The following TRIP12 variants were observed in gnomAD, a reference collection of about 807,000 sequenced individuals.
TRIP12 encodes the protein E3 ubiquitin-protein ligase TRIP12.
A neutral mutation model predicts 244.2 loss-of-function variants in TRIP12; 25 were observed. That is an observed-to-expected ratio of 0.10 (90% CI 0.07 to 0.14). The LOEUF is 0.14. Among genes scored for constraint, TRIP12 ranks in the 10% least tolerant of loss-of-function variants. The pLI is 1.00. For synonymous variants in TRIP12, 905 were observed against 873.1 expected (o/e 1.04, Z -0.64); for missense variants, 1,677 against 2,486.4 (o/e 0.67, Z 6.92).
At chr2:229,810,235 T>C (rs1021643654) in intron 15 of TRIP12, among the ~76,000 whole-genome samples, 5 of 152,180 alleles carry the variant, frequency 3.3e-5, no homozygotes, top group Non-Finnish European at 7.4e-5. Context: ...AACGTATAGA[T>C]GTTGTCTGAT....
At chr2:229,774,465 G>A (rs2035581394) in intron 37 of TRIP12, among the ~76,000 whole-genome samples, 2 of 152,182 alleles carry the variant, frequency 1.3e-5, no homozygotes, top group African/African-American at 4.8e-5. Context: ...TAAGAAAAGA[G>A]AGCTGAAGTG....
intron 5 of TRIP12, among the ~76,000 whole-genome samples, chr2:229,840,008 C>A (rs2055983488): frequency 6.6e-6 from 1 of 152,074 alleles, no homozygotes; most frequent in South Asian, 2.1e-4. Context: ...AGTACATTTC[C>A]CCCTCCATTC....
intron 34 of TRIP12, 44 bp from the exon 35 acceptor site, chr2:229,779,034 G>T (rs1408129148): frequency 6.4e-7 from 1 of 1,550,524 alleles, no homozygotes; most frequent in South Asian, 1.1e-5. Flanking sequence ...TTTAAGAATT[G>T]TGTTTTTTTA....
chr2:229,771,448 G>T, intron 39 of TRIP12, 71 bp downstream of exon 39: 1 of 1,331,846 alleles, frequency 7.5e-7, no homozygotes, highest in Non-Finnish European at 1.1e-6. Context: ...TACGGTCTTT[G>T]ACTAGGCAGC....
At chr2:229,849,711 CTTTCTAAAAAAATT>C (rs1240855959) in intron 4 of TRIP12, among the ~76,000 whole-genome samples, 17 of 151,812 alleles carry the variant, frequency 1.1e-4, no homozygotes, top group African/African-American at 4.1e-4. Flanking sequence ...AAAAAAAAAT[CTTTCTAAAAAAATT>C]AGCTGGGTAT....
intron 21 of TRIP12, among the ~76,000 whole-genome samples, 200 bp from the exon 22 acceptor site, chr2:229,799,583 T>A (rs1404328449): frequency 6.6e-6 from 1 of 152,134 alleles, no homozygotes; most frequent in East Asian, 1.9e-4. Flanking sequence ...AAGACCATCC[T>A]GGCTAACATG....
chr2:229,847,184 G>A lies in TRIP12; in HGVS notation c.1028-6257C>T, dbSNP rs535606784. Among the ~76,000 whole-genome samples, 52 of 152,244 alleles carry A rather than the reference G, an allele frequency of 3.4e-4. 1 individual carries two copies. Among genetic ancestry groups the A allele is most frequent in the African/African-American group, 8.7e-4 (36 of 41,558 alleles). On this transcript the variant is annotated intron_variant, in intron 4 of 41. Transcript: ENST00000675903. Reference sequence around the variant, plus strand: ...GGGTACATCCATATCTAGCCATTACGAATGATGTAATTTATAGTTATTTGA... The same window carrying A: ...GGGTACATCCATATCTAGCCATTACAAATGATGTAATTTATAGTTATTTGA...
At chr2:229,912,566 C>G (rs2074503705) in intron 1 of TRIP12, among the ~76,000 whole-genome samples, 2 of 152,156 alleles carry the variant, frequency 1.3e-5, no homozygotes. Context: ...TCTATATCTT[C>G]CTCCAAACAA....
intron 37 of TRIP12, among the ~76,000 whole-genome samples, chr2:229,776,134 C>G (rs574088364): frequency 6.6e-6 from 1 of 152,260 alleles, no homozygotes; most frequent in East Asian, 1.9e-4. Context: ...CTCAATCTGT[C>G]TGCCCTGGTT....
Position 229,804,202 on chromosome 2 carries a change from A to T in TRIP12, c.2676T>A (p.Asp892Glu). 1 of 1,613,700 alleles carries T rather than the reference A, an allele frequency of 6.2e-7. No individual in the cohort carries two copies. Among genetic ancestry groups the T allele is most frequent in the South Asian group, 1.1e-5 (1 of 90,894 alleles). ...CTTTCATAAGCTGTGCTCGAGCATC[A>T]TCCTTCTTTGACTCTGAATATCCAC... is the stretch of plus-strand genomic sequence containing the variant. The part of the protein sequence containing the change: ...NTSGYSESKK[D>E]DARAQLMKED... The change falls in exon 19 of 42, where the codon GAT becomes GAA. Residue 892 changes from aspartate (D) to glutamate (E), a missense_variant. This residue lies in a region of TRIP12 where 572 missense variants were observed against 867.8 expected (regional missense o/e 0.66). Coordinates refer to ENST00000675903, the MANE Select transcript of TRIP12 (RefSeq NM_001348323.3).
chr2:229,814,821 G>A (rs1412597891), intron 11 of TRIP12, among the ~76,000 whole-genome samples: 1 of 152,016 alleles, frequency 6.6e-6, no homozygotes, highest in Non-Finnish European at 1.5e-5. Flanking sequence ...CAACCTCACT[G>A]GCATGTTTTC....
At position 229,836,858 on chromosome 2, in the gene TRIP12, T is replaced by C. The variant is rs1181995706; in HGVS notation, c.1260A>G (p.Gln420=). ...GAAGTACCAATCTACCTGCAGCTCC[T>C]TGGGGAGCTTCATCTGTCCGAGCAG... ...SSAARTDEAP[Q]GAAASSSVAG... is the part of the protein sequence containing the mutation. The change falls in exon 6 of 42, where the codon CAA becomes CAG. Residue 420 remains glutamine, a synonymous_variant. Coordinates refer to ENST00000675903, the MANE Select transcript of TRIP12 (RefSeq NM_001348323.3). The C allele has an allele frequency of 6.3e-7, 1 of 1,592,148 alleles. No individual in the cohort carries two copies. The highest frequency in any genetic ancestry group is 8.5e-7 in the Non-Finnish European group (1 of 1,173,444).
At chr2:229,864,004 A>AGAGAGAGAG (rs1559954221) in intron 2 of TRIP12, among the ~76,000 whole-genome samples, 10 of 81,368 alleles carry the variant, frequency 1.2e-4, no homozygotes, top group African/African-American at 2.9e-4. Context: ...ATTTGGGTGA[A>AGAGAGAGAG]AGAGAGAGAG....
chr2:229,788,129 A>G (rs1278583684), intron 32 of TRIP12, among the ~76,000 whole-genome samples: 2 of 152,164 alleles, frequency 1.3e-5, no homozygotes, highest in Non-Finnish European at 2.9e-5. Context: ...AAGAATTTTC[A>G]TACTTCTTAT....
chr2:229,799,680 C>T (rs1405420811), intron 21 of TRIP12, among the ~76,000 whole-genome samples: 2 of 151,566 alleles, frequency 1.3e-5, no homozygotes, highest in African/African-American at 2.4e-5. Flanking sequence ...GAGGCTGAGG[C>T]AGGAGAATGG....
chr2:229,792,825 G>A, intron 27 of TRIP12, 148 bp downstream of exon 27: 2 of 803,504 alleles, frequency 2.5e-6, no homozygotes, highest in East Asian at 2.7e-5. Flanking sequence ...TATATACTAA[G>A]TAGAAAATAA....
In TRIP12 at chr2:229,792,081, C is replaced by G; in HGVS notation, c.4216-16G>C. The G allele has an allele frequency of 6.2e-7, 1 of 1,613,938 alleles. No individual in the cohort carries two copies. The highest frequency in any genetic ancestry group is 8.5e-7 in the Non-Finnish European group (1 of 1,179,930). The stretch of plus-strand genomic sequence containing the variant: ...ACTGAGCAGCCTGAATAAAGCAAAG[C>G]AAAAGCCATTTAAGCCAAAGGCCCT... On this transcript the variant is annotated splice_polypyrimidine_tract_variant and intron_variant, in intron 28 of 41. Coordinates refer to ENST00000675903, the MANE Select transcript of TRIP12 (RefSeq NM_001348323.3).
intron 21 of TRIP12, 83 bp from the exon 22 acceptor site, chr2:229,799,466 C>T: frequency 7.9e-7 from 1 of 1,263,886 alleles, no homozygotes; most frequent in African/African-American, 1.5e-5. Flanking sequence ...ACTAAAATGG[C>T]AGAAACAGGG....
At chr2:229,777,242 C>T in intron 37 of TRIP12, 73 bp downstream of exon 37, 1 of 1,473,060 alleles carries the variant, frequency 6.8e-7, no homozygotes, top group Non-Finnish European at 9.3e-7. Context: ...GAGTCAAATA[C>T]AAACTATTTA....
Sources: gnomAD v4.1 joint callset for allele counts (sites outside exome capture counted in the v4.1 genomes callset) on GRCh38, gnomAD v4.1.1 for gene constraint, gnomAD v4.1.1 regional missense constraint, MANE v1.5 for transcripts, NCBI Gene and HGNC (gene_info 2026-07-23, HGNC 2026-07-21) for gene names.